Variants in ROBO2 observed in about 807,000 individuals in gnomAD.
ROBO2 encodes roundabout guidance receptor 2.
A neutral mutation model predicts 160.8 loss-of-function variants in ROBO2; 53 were observed. That is an observed-to-expected ratio of 0.33 (90% CI 0.26 to 0.41). The LOEUF is 0.41. Ranked by LOEUF, ROBO2 falls within the 10% of genes least tolerant of loss-of-function variation. The pLI, the probability that ROBO2 is intolerant of heterozygous loss-of-function variation, is 1.00. For missense variants in ROBO2, 1,577 were observed against 1,722.4 expected (o/e 0.92, Z 1.49); for synonymous variants, 664 against 611.7 (o/e 1.09, Z -1.26).
At chr3:77,469,930 C>T (rs1373552830) in intron 2 of ROBO2, among the ~76,000 whole-genome samples, 1 of 152,072 alleles carries the variant, frequency 6.6e-6, no homozygotes, top group Non-Finnish European at 1.5e-5. Context: ...GTTACCCAGT[C>T]CAGTTAAGTA....
At chr3:77,217,982 A>G (rs981661404) in intron 2 of ROBO2, among the ~76,000 whole-genome samples, 1 of 152,234 alleles carries the variant, frequency 6.6e-6, no homozygotes, top group Admixed American at 6.5e-5. Context: ...CAGTTTGGAT[A>G]CATTGTCAGC....
At chr3:77,025,745 G>A (rs917851978) in intron 2 of ROBO2, among the ~76,000 whole-genome samples, 4 of 152,126 alleles carry the variant, frequency 2.6e-5, no homozygotes, top group African/African-American at 7.2e-5. Context: ...GGAATTACAC[G>A]TGCAAATCCC....
chr3:76,088,429 C>A (rs548981239), intron 2 of ROBO2, among the ~76,000 whole-genome samples: 1 of 151,938 alleles, frequency 6.6e-6, no homozygotes, highest in Non-Finnish European at 1.5e-5. Flanking sequence ...GCCTTTCAAG[C>A]TCACATAGAA....
At chr3:76,934,156 G>A (rs1414314071) in intron 2 of ROBO2, among the ~76,000 whole-genome samples, 1 of 150,274 alleles carries the variant, frequency 6.7e-6, no homozygotes, top group Non-Finnish European at 1.5e-5. Context: ...CTTTCTCATT[G>A]CCTTGTTATC....
chr3:76,760,570 G>A (rs2061248141), intron 2 of ROBO2, among the ~76,000 whole-genome samples: 1 of 151,706 alleles, frequency 6.6e-6, no homozygotes, highest in African/African-American at 2.4e-5. Context: ...TCCCCAACCA[G>A]CTGTTTTCTC....
At position 77,390,344 on chromosome 3, in the gene ROBO2, A is replaced by G. The variant is rs546899946; in HGVS notation, c.389-87070A>G. On this transcript the variant is annotated intron_variant, in intron 2 of 25. Transcript: ENST00000461745. ...CTTACACAGTTTGGCTGTGTCCCCA[A>G]CCAAATCTCATCTTGAACTGTAGCT... 5.3e-5 allele frequency among the ~76,000 whole-genome samples: 8 copies of G among 152,218 alleles called. No individual in the cohort carries two copies. In the East Asian group the frequency reaches 5.8e-4, roughly 11 times the overall value.
chr3:76,095,371 G>A (rs1458486927), intron 2 of ROBO2, among the ~76,000 whole-genome samples: 1 of 151,826 alleles, frequency 6.6e-6, no homozygotes, highest in Non-Finnish European at 1.5e-5. Flanking sequence ...CAATAATAAA[G>A]AGAAATGTGA....
intron 2 of ROBO2, among the ~76,000 whole-genome samples, chr3:75,982,233 G>A (rs2065298934): frequency 6.6e-6 from 1 of 151,418 alleles, no homozygotes; most frequent in African/African-American, 2.4e-5. Flanking sequence ...GATAAACAAA[G>A]GAGTGCAGAT....
At chr3:76,273,249 A>C (rs923160330) in intron 2 of ROBO2, among the ~76,000 whole-genome samples, 1 of 148,878 alleles carries the variant, frequency 6.7e-6, no homozygotes, top group Non-Finnish European at 1.5e-5. Flanking sequence ...CATTCAATAC[A>C]GTCTGACATT....
chr3:76,457,248 C>T (rs990614025), intron 2 of ROBO2, among the ~76,000 whole-genome samples: 2 of 152,126 alleles, frequency 1.3e-5, no homozygotes, highest in Non-Finnish European at 2.9e-5. Flanking sequence ...GTTACTTAAA[C>T]AATGGAGGTA....
At position 77,644,615 on chromosome 3, in the gene ROBO2, G is replaced by C. The variant is rs2153724745; in HGVS notation, c.3935-89G>C. The C allele has an allele frequency of 1.5e-5, 16 of 1,091,056 alleles. No homozygotes were observed. The South Asian group carries it at 2.0e-4, about 14-fold the overall frequency. The allele number at this position is 1,091,056 out of a possible 1,614,324, so 67.6% of individuals were successfully genotyped here. On this transcript the variant is annotated intron_variant, in intron 24 of 25. Coordinates refer to ENST00000461745, the Ensembl canonical transcript of ROBO2. The stretch of plus-strand genomic sequence containing the variant: ...ATTAAAGAATGAAATGGTAAAGTAG[G>C]CCATTCACAGTGTTATATTCAAGAG...
At chr3:76,738,841 T>G (rs1201305539) in intron 2 of ROBO2, among the ~76,000 whole-genome samples, 3 of 16,670 alleles carry the variant, frequency 1.8e-4, no homozygotes, top group African/African-American at 1.8e-3. Flanking sequence ...CTCTTGATTG[T>G]TTTTTTTTCT....
intron 2 of ROBO2, among the ~76,000 whole-genome samples, chr3:76,689,629 GA>G (rs1448514211): frequency 1.3e-5 from 2 of 152,072 alleles, no homozygotes; most frequent in Non-Finnish European, 2.9e-5. Context: ...TTGACTACTA[GA>G]AACCTTAATA....
intron 2 of ROBO2, among the ~76,000 whole-genome samples, chr3:76,439,580 G>C (rs1171095776): frequency 1.3e-5 from 2 of 152,118 alleles, no homozygotes; most frequent in Non-Finnish European, 2.9e-5. Flanking sequence ...TCTTGCTATA[G>C]GGATTATGCC....
intron 2 of ROBO2, among the ~76,000 whole-genome samples, chr3:76,711,338 A>T (rs989310563): frequency 1.3e-5 from 2 of 152,140 alleles, no homozygotes; most frequent in African/African-American, 4.8e-5. Context: ...AGCAAGAGGG[A>T]AATCTGCCCC....
chr3:77,558,243 A>C, intron 9 of ROBO2, 94 bp downstream of exon 10: 1 of 976,064 alleles, frequency 1.0e-6, no homozygotes, highest in South Asian at 1.3e-5. Flanking sequence ...CTTACATCCT[A>C]GTATAATTGC....
intron 2 of ROBO2, among the ~76,000 whole-genome samples, chr3:77,471,735 G>A (rs915232232): frequency 7.9e-5 from 12 of 152,188 alleles, no homozygotes; most frequent in Non-Finnish European, 1.8e-4. Flanking sequence ...TGAAAGAAAG[G>A]TCAAATACTT....
chr3:76,568,463 A>AT (rs56210601), intron 2 of ROBO2, among the ~76,000 whole-genome samples: 4 of 143,112 alleles, frequency 2.8e-5, no homozygotes, highest in African/African-American at 1.0e-4. Context: ...CGCCCAGATA[A>AT]TTTTTTTTTT....
chr3:76,410,898 T>C (rs939324471), intron 2 of ROBO2, among the ~76,000 whole-genome samples: 1 of 152,194 alleles, frequency 6.6e-6, no homozygotes. Flanking sequence ...TAGTAAGAAG[T>C]AGGATTTTGG....
Sources: allele counts gnomAD v4.1 joint callset (sites outside exome capture counted in the v4.1 genomes callset), GRCh38; gene constraint gnomAD v4.1.1; transcripts MANE v1.5; gene names NCBI Gene and HGNC (gene_info 2026-07-23, HGNC 2026-07-21).